Variants in HOOK3 observed in about 807,000 individuals in gnomAD.
The protein encoded by HOOK3 is hook microtubule tethering protein 3.
HOOK3 carries 24 observed loss-of-function variants against 116.3 expected under a neutral mutation model. The ratio of observed to expected loss-of-function variants is 0.21; its 90% CI spans 0.15 to 0.29. The LOEUF is 0.29. Among genes scored for constraint, HOOK3 ranks in the 10% least tolerant of loss-of-function variants. The pLI, the probability that HOOK3 is intolerant of heterozygous loss-of-function variation, is 1.00. For missense variants in HOOK3, 632 were observed against 830.2 expected, an observed-to-expected ratio of 0.76 and a Z score of 2.93; for synonymous variants, 275 against 283.0, an observed-to-expected ratio of 0.97 and a Z score of 0.28.
chr8:43,015,951 C>G (rs1261515990), intron 21 of HOOK3, among the ~76,000 whole-genome samples: 4 of 151,268 alleles, frequency 2.6e-5, no homozygotes, highest in African/African-American at 7.3e-5. Flanking sequence ...TTCCTGACCT[C>G]GTGATTCACC....
At chr8:42,941,034 C>T (rs538391712) in intron 4 of HOOK3, among the ~76,000 whole-genome samples, 1 of 151,934 alleles carries the variant, frequency 6.6e-6, no homozygotes, top group Non-Finnish European at 1.5e-5. Flanking sequence ...GCAACCTCCA[C>T]CTCCCAGGTT....
chr8:43,023,124 T>C lies in HOOK3; in HGVS notation c.*4626T>C, dbSNP rs1006798413. On this transcript the variant is annotated 3_prime_UTR_variant, in exon 22 of 22. Transcript: ENST00000307602. Reference sequence around the variant, plus strand: ...GGGAGGCTGAGGCAGGAGAATCATGTGAACCCAGGAGGTGGAGGTTGCAGT... The same window carrying C: ...GGGAGGCTGAGGCAGGAGAATCATGCGAACCCAGGAGGTGGAGGTTGCAGT... The C allele has an allele frequency of 6.0e-5, 9 of 150,468 alleles. No individual in the cohort carries two copies. Among genetic ancestry groups the C allele is most frequent in the African/African-American group, 2.3e-4 (9 of 39,328 alleles). The allele number at this position is 150,468 out of a possible 1,614,324, so 9.3% of individuals were successfully genotyped here.
chr8:42,913,820 C>T (rs917355171), intron 2 of HOOK3, among the ~76,000 whole-genome samples: 2 of 152,022 alleles, frequency 1.3e-5, no homozygotes, highest in African/African-American at 4.8e-5. Flanking sequence ...ATTCTAGTGG[C>T]TGTCTAGTGG....
At chr8:42,958,295 A>G (rs1230804551) in intron 7 of HOOK3, among the ~76,000 whole-genome samples, 1 of 152,112 alleles carries the variant, frequency 6.6e-6, no homozygotes, top group Non-Finnish European at 1.5e-5. Flanking sequence ...ACATGTTGCA[A>G]TTTTAACCCA....
chr8:42,967,985 AT>A, intron 10 of HOOK3, 27 bp from the exon 11 acceptor site: 3 of 1,318,696 alleles, frequency 2.3e-6, no homozygotes, highest in Non-Finnish European at 3.3e-6. Context: ...TGTGTTTCTG[AT>A]TTTTTTAATT....
chr8:42,982,843 A>G (rs1242608807), intron 14 of HOOK3, 147 bp downstream of exon 14: 3 of 614,056 alleles, frequency 4.9e-6, no homozygotes, highest in East Asian at 2.8e-5. Context: ...TGTTTTCAAC[A>G]TGTTAAAAGC....
chr8:43,026,122 T>C lies in HOOK3; in HGVS notation c.*7624T>C, dbSNP rs555157160. On this transcript the variant is annotated 3_prime_UTR_variant, in exon 22 of 22. Transcript: ENST00000307602. ...AACACTTGAGTGGTAACTAGCTTGA[T>C]GAAGGAAAATAATTACTTTAGCAGT... is the stretch of plus-strand genomic sequence containing the variant. 7.0e-4 allele frequency: 145 copies of C among 207,898 alleles called. No homozygotes were observed. Among genetic ancestry groups the C allele is most frequent in the African/African-American group, 3.1e-3 (138 of 44,018 alleles). 12.9% of individuals were successfully genotyped at this position (207,898 alleles called of 1,614,324 possible). A position where few individuals can be genotyped will look rare whatever the true frequency, so the allele number is the denominator to read the frequency against.
intron 1 of HOOK3, among the ~76,000 whole-genome samples, chr8:42,901,855 C>T (rs550303007): frequency 2.6e-4 from 39 of 152,096 alleles, no homozygotes; most frequent in Admixed American, 5.2e-4. Context: ...ATTACAGGCA[C>T]GCACCACCAC....
At chr8:42,955,176 C>G (rs1808410995) in intron 6 of HOOK3, among the ~76,000 whole-genome samples, 1 of 152,194 alleles carries the variant, frequency 6.6e-6, no homozygotes, top group Non-Finnish European at 1.5e-5. Flanking sequence ...TTGTATTGCA[C>G]AGGTCTACTT....
chr8:42,976,299 AG>A (rs1186082197), intron 13 of HOOK3, among the ~76,000 whole-genome samples: 2 of 151,874 alleles, frequency 1.3e-5, no homozygotes, highest in Non-Finnish European at 2.9e-5. Context: ...TGAGTTCACA[AG>A]TTCAAGAGCA....
chr8:42,932,043 C>G (rs1807884795), intron 4 of HOOK3, among the ~76,000 whole-genome samples: 1 of 152,092 alleles, frequency 6.6e-6, no homozygotes, highest in Non-Finnish European at 1.5e-5. Context: ...CCTGGCCACC[C>G]CATTATATTA....
chr8:42,967,874 C>T (rs1431606712), intron 10 of HOOK3, 139 bp from the exon 11 acceptor site: 4 of 595,854 alleles, frequency 6.7e-6, no homozygotes, highest in East Asian at 2.9e-5. Flanking sequence ...TATTTGTTAA[C>T]CTGTGCAGAA....
At chr8:42,914,153 A>AT (rs1025308840) in intron 2 of HOOK3, among the ~76,000 whole-genome samples, 1 of 152,068 alleles carries the variant, frequency 6.6e-6, no homozygotes. Context: ...CCACACCTTC[A>AT]TTTTTCCTAA....
At chr8:42,976,656 GGGAGGCCGAGGCA>G (rs1387596662) in intron 13 of HOOK3, among the ~76,000 whole-genome samples, 1 of 152,132 alleles carries the variant, frequency 6.6e-6, no homozygotes, top group African/African-American at 2.4e-5. Flanking sequence ...TCAGCACTTT[GGGAGGCCGAGGCA>G]GGTGGATCAC....
chr8:42,989,787 T>C (rs1406721807), intron 15 of HOOK3, among the ~76,000 whole-genome samples: 2 of 152,108 alleles, frequency 1.3e-5, no homozygotes, highest in Non-Finnish European at 2.9e-5. Context: ...TCAAGCTCCA[T>C]GAGTTTAATT....
chr8:43,014,397 G>T (rs576420472), intron 21 of HOOK3, among the ~76,000 whole-genome samples: 1 of 151,380 alleles, frequency 6.6e-6, no homozygotes, highest in Non-Finnish European at 1.5e-5. Flanking sequence ...TGTATCCTAG[G>T]CTGGAGTGCA....
At chr8:42,902,985 G>C (rs964117022) in intron 1 of HOOK3, among the ~76,000 whole-genome samples, 1 of 152,202 alleles carries the variant, frequency 6.6e-6, no homozygotes, top group Non-Finnish European at 1.5e-5. Flanking sequence ...CTTGGCAACT[G>C]TAGAATGGAA....
In HOOK3 at chr8:43,028,292, T is replaced by A. The variant is rs149361419; in HGVS notation, c.*9794T>A. On this transcript the variant is annotated 3_prime_UTR_variant, in exon 22 of 22. Transcript: ENST00000307602. ...TCGCTTAAGCCCAGGAGGTTCAGGC[T>A]GCAGTAAGGTCTGATCACACCTGAC... is the stretch of plus-strand genomic sequence containing the variant. The A allele has an allele frequency of 1.7e-3, 311 of 184,248 alleles. 1 individual carries two copies. The highest frequency in any genetic ancestry group is 6.7e-3 in the African/African-American group (286 of 42,682). 11.4% of individuals were successfully genotyped at this position (184,248 alleles called of 1,614,324 possible).
At chr8:43,007,357 A>G (rs1269493608) in intron 17 of HOOK3, among the ~76,000 whole-genome samples, 1 of 152,188 alleles carries the variant, frequency 6.6e-6, no homozygotes, top group Non-Finnish European at 1.5e-5. Context: ...GCTGATCTGT[A>G]TCACCTTCCA....
Sources: allele counts gnomAD v4.1 joint callset (sites outside exome capture counted in the v4.1 genomes callset), GRCh38; gene constraint gnomAD v4.1.1; transcripts MANE v1.5; gene names NCBI Gene and HGNC (gene_info 2026-07-23, HGNC 2026-07-21).